MME: variants seen among roughly 807,000 people sequenced by gnomAD.
MME encodes neprilysin.
In MME, 98 loss-of-function variants were observed where a neutral mutation model predicts 113.2. The observed-to-expected ratio is 0.87, with a 90% CI of 0.74 to 1.02. The LOEUF is 1.02. Among genes scored for constraint, MME ranks in the 50% least tolerant of loss-of-function variants. MME has a pLI of 0.00. For missense variants in MME, 836 were observed against 896.0 expected, an observed-to-expected ratio of 0.93 and a Z score of 0.86; for synonymous variants, 292 against 300.6, an observed-to-expected ratio of 0.97 and a Z score of 0.30.
Position 155,100,087 on chromosome 3 carries a change from A to G in MME, c.197-14907A>G, listed in dbSNP as rs1717075467. On this transcript the variant is annotated intron_variant, in intron 3 of 22. Coordinates refer to ENST00000360490, the MANE Select transcript of MME (RefSeq NM_007289.4). ...AAACTAAAGAGCTTCTGCGCAGCAA[A>G]AGAAACTACCATCAGAGTGAACAGG... Among the ~76,000 whole-genome samples the G allele has an allele frequency of 2.0e-5, 3 of 152,238 alleles. No individual in the cohort carries two copies. In the South Asian group the frequency reaches 6.2e-4, roughly 31 times the overall value.
chr3:155,078,045 T>TACACACACAC (rs34585642), upstream of MME, among the ~76,000 whole-genome samples: 129 of 139,840 alleles, frequency 9.2e-4, 1 homozygote, highest in African/African-American at 3.0e-3. Flanking sequence ...AAAGTAAAAG[T>TACACACACAC]ACACACACAC....
At chr3:155,038,477 AC>A (rs999917353) in intron 1 of MME, among the ~76,000 whole-genome samples, 13 of 152,138 alleles carry the variant, frequency 8.5e-5, no homozygotes, top group African/African-American at 2.7e-4. Flanking sequence ...AGAAAGGTAC[AC>A]CTCAAACTTT....
At chr3:155,125,423 C>A (rs998701597) in intron 8 of MME, among the ~76,000 whole-genome samples, 5 of 139,356 alleles carry the variant, frequency 3.6e-5, no homozygotes, top group Admixed American at 7.4e-5. Context: ...TGTTCCTATT[C>A]GGCCAACTTG....
In MME at chr3:155,146,974, T is replaced by C. The variant is rs1721564450; in HGVS notation, c.1417-170T>C. On this transcript the variant is annotated intron_variant, in intron 14 of 22. Transcript: ENST00000360490. ...TTTCAGACCTGATTTTCATTTATTC[T>C]TGAACCTCCCAGGAAAGAGCCATTG... is the stretch of plus-strand genomic sequence containing the variant. 2.0e-5 allele frequency among the ~76,000 whole-genome samples: 3 copies of C among 152,204 alleles called. No homozygotes were observed. In the South Asian group the frequency reaches 6.2e-4, roughly 31 times the overall value.
At chr3:155,075,007 T>G (rs193032588), upstream of MME, among the ~76,000 whole-genome samples, 4 of 152,016 alleles carry the variant, frequency 2.6e-5, no homozygotes, top group East Asian at 7.7e-4. Context: ...ATCTTCTATA[T>G]CCTTACTGAT....
intron 3 of MME, among the ~76,000 whole-genome samples, chr3:155,093,972 A>G (rs6776185): frequency 0.3 from 45,282 of 152,052 alleles, 7,800 homozygotes; most frequent in Non-Finnish European, 0.41. Context: ...CTTTATTCCT[A>G]TTCCTCTTTT....
At chr3:155,076,679 C>G (rs1032191061), upstream of MME, among the ~76,000 whole-genome samples, 1 of 152,154 alleles carries the variant, frequency 6.6e-6, no homozygotes, top group Non-Finnish European at 1.5e-5. Context: ...GGCGGCTTGA[C>G]TGAGTAAACT....
rs61762336 is a variant in MME at position 155,087,364 on chromosome 3, T to A, written c.196+2270T>A. Among the ~76,000 whole-genome samples the A allele has an allele frequency of 9.7e-3, 1,468 of 151,804 alleles. 25 individuals carry two copies. The highest frequency in any genetic ancestry group is 0.034 in the African/African-American group (1,402 of 41,376). On this transcript the variant is annotated intron_variant, in intron 3 of 22. Transcript: ENST00000360490. ...GAGCGTGAGGGAGACTTGATTTAGATGTTAGCCATTTGCTGCTCGACATAG... is the reference window on the plus strand; with the variant it reads ...GAGCGTGAGGGAGACTTGATTTAGAAGTTAGCCATTTGCTGCTCGACATAG...
chr3:155,159,205 T>A (rs9831947), intron 16 of MME, among the ~76,000 whole-genome samples: 1 of 151,784 alleles, frequency 6.6e-6, no homozygotes, highest in East Asian at 1.9e-4. Flanking sequence ...ACATTGTAAC[T>A]AAAGCCTACT....
At chr3:155,057,996 C>T (rs1714000804) in intron 1 of MME, among the ~76,000 whole-genome samples, 1 of 152,010 alleles carries the variant, frequency 6.6e-6, no homozygotes, top group South Asian at 2.1e-4. Flanking sequence ...TATCATACAA[C>T]TTTTTTCCAC....
intron 3 of MME, among the ~76,000 whole-genome samples, chr3:155,093,854 TA>T (rs200029597): frequency 0.24 from 27,616 of 112,950 alleles, 3,171 homozygotes; most frequent in East Asian, 0.49. Context: ...AGACTCTGTC[TA>T]AAAAAAAAAA....
At chr3:155,152,133 C>T (rs1430419183) in intron 16 of MME, among the ~76,000 whole-genome samples, 1 of 152,174 alleles carries the variant, frequency 6.6e-6, no homozygotes, top group Non-Finnish European at 1.5e-5. Flanking sequence ...CTACACCTCA[C>T]CATTGTCCAA....
At chr3:155,058,324 GAC>G (rs1032935277) in intron 1 of MME, among the ~76,000 whole-genome samples, 2 of 152,120 alleles carry the variant, frequency 1.3e-5, no homozygotes, top group Admixed American at 1.3e-4. Flanking sequence ...TGAAGGCAAT[GAC>G]AGTGTCCTAT....
intron 1 of MME, among the ~76,000 whole-genome samples, chr3:155,051,815 T>C (rs964394741): frequency 1.3e-5 from 2 of 152,062 alleles, no homozygotes; most frequent in African/African-American, 4.8e-5. Flanking sequence ...CCCAACAGCC[T>C]CCCAAAGTCT....
chr3:155,145,818 G>A (rs1000641642), intron 14 of MME, among the ~76,000 whole-genome samples: 1 of 152,204 alleles, frequency 6.6e-6, no homozygotes, highest in East Asian at 1.9e-4. Context: ...CACTCTTTAA[G>A]GAAATGTCTT....
intron 8 of MME, among the ~76,000 whole-genome samples, chr3:155,133,062 A>ATATATATATATATATATAT (rs376436889): frequency 2.9e-4 from 22 of 75,034 alleles, no homozygotes; most frequent in South Asian, 7.8e-4. Flanking sequence ...AAAAAAAAAA[A>ATATATATATATATATATAT]ATATATATAT....
At chr3:155,131,084 G>A (rs1355660488) in intron 8 of MME, among the ~76,000 whole-genome samples, 3 of 152,172 alleles carry the variant, frequency 2.0e-5, no homozygotes, top group African/African-American at 7.2e-5. Flanking sequence ...ACTGGGGTAA[G>A]GCATGGGTGA....
At chr3:155,177,815 C>G (rs941993777) in intron 22 of MME, among the ~76,000 whole-genome samples, 3 of 152,136 alleles carry the variant, frequency 2.0e-5, no homozygotes, top group South Asian at 2.1e-4. Flanking sequence ...TCAACGTACT[C>G]TTTCAGGGTT....
At chr3:155,127,850 A>T (rs1719812953) in intron 8 of MME, among the ~76,000 whole-genome samples, 1 of 152,244 alleles carries the variant, frequency 6.6e-6, no homozygotes, top group Non-Finnish European at 1.5e-5. Flanking sequence ...ACAATTTCTT[A>T]AGAGTTGGTA....
Sources: allele counts gnomAD v4.1 joint callset (sites outside exome capture counted in the v4.1 genomes callset), GRCh38; gene constraint gnomAD v4.1.1; transcripts MANE v1.5; gene names NCBI Gene and HGNC (gene_info 2026-07-23, HGNC 2026-07-21).